Variants in SUSD6 observed in about 807,000 individuals in gnomAD.
The protein encoded by SUSD6 is sushi domain containing 6, also known as sushi domain-containing protein 6.
Under a neutral mutation model 28.4 loss-of-function variants are expected in SUSD6, and 16 were observed. That is an observed-to-expected ratio of 0.56 (90% CI 0.38 to 0.86). The LOEUF (loss-of-function observed/expected upper bound fraction) is 0.86, where lower values mean the gene tolerates loss of function less well. Ranked by LOEUF, SUSD6 falls within the 40% of genes least tolerant of loss-of-function variation. SUSD6 has a pLI of 0.00. For missense variants in SUSD6, 341 were observed against 384.2 expected, an observed-to-expected ratio of 0.89 and a Z score of 0.94; for synonymous variants, 147 against 159.6, an observed-to-expected ratio of 0.92 and a Z score of 0.59.
intron 2 of SUSD6, among the ~76,000 whole-genome samples, chr14:69,671,342 A>G (rs1011582666): frequency 1.3e-5 from 2 of 152,150 alleles, no homozygotes; most frequent in African/African-American, 2.4e-5. Flanking sequence ...GTGGGCACCT[A>G]TTTGCCTATG....
chr14:69,636,227 A>G (rs1379860553), intron 1 of SUSD6, among the ~76,000 whole-genome samples: 1 of 152,214 alleles, frequency 6.6e-6, no homozygotes, highest in East Asian at 1.9e-4. Flanking sequence ...CAGGCTATAG[A>G]ACCACAATAG....
At chr14:69,635,502 ACT>A (rs1595035617) in intron 1 of SUSD6, among the ~76,000 whole-genome samples, 1 of 152,136 alleles carries the variant, frequency 6.6e-6, no homozygotes, top group East Asian at 1.9e-4. Flanking sequence ...AACTGTACTT[ACT>A]TGCCTTTCAG....
intron 1 of SUSD6, among the ~76,000 whole-genome samples, chr14:69,620,475 G>T (rs1466250445): frequency 2.0e-5 from 3 of 152,164 alleles, no homozygotes; most frequent in Non-Finnish European, 4.4e-5. Flanking sequence ...AGAACAAAAT[G>T]GTCATAATAC....
intron 1 of SUSD6, among the ~76,000 whole-genome samples, chr14:69,639,741 A>C (rs938933171): frequency 6.6e-6 from 1 of 152,124 alleles, no homozygotes; most frequent in East Asian, 1.9e-4. Context: ...TCTTTGTTGT[A>C]TGGGGTTGTC....
intron 1 of SUSD6, among the ~76,000 whole-genome samples, chr14:69,639,959 T>TTG (rs1298275020): frequency 3.6e-5 from 5 of 140,060 alleles, no homozygotes; most frequent in South Asian, 2.4e-4. Context: ...CTACACTGTT[T>TTG]TTTTTTTTTT....
At chr14:69,615,995 C>T (rs925224088) in intron 1 of SUSD6, among the ~76,000 whole-genome samples, 1 of 152,066 alleles carries the variant, frequency 6.6e-6, no homozygotes, top group African/African-American at 2.4e-5. Flanking sequence ...ATGTACTCCC[C>T]GCTCCTACAC....
At chr14:69,641,861 T>C (rs1024744880) in intron 1 of SUSD6, among the ~76,000 whole-genome samples, 1 of 152,130 alleles carries the variant, frequency 6.6e-6, no homozygotes, top group Non-Finnish European at 1.5e-5. Context: ...TGCCTTGGCC[T>C]CCCAAAGTGC....
chr14:69,635,287 G>C (rs1476327991), intron 1 of SUSD6, among the ~76,000 whole-genome samples: 4 of 152,216 alleles, frequency 2.6e-5, no homozygotes, highest in African/African-American at 9.6e-5. Flanking sequence ...ATGAAGTTGT[G>C]TGTTTTCTTT....
intron 2 of SUSD6, among the ~76,000 whole-genome samples, chr14:69,691,657 C>T (rs1886154548): frequency 6.6e-6 from 1 of 152,174 alleles, no homozygotes; most frequent in Admixed American, 6.5e-5. Context: ...GTGTTCTGGG[C>T]AGTGGCAGAA....
At chr14:69,694,353 C>T (rs1226805035) in intron 2 of SUSD6, among the ~76,000 whole-genome samples, 1 of 152,204 alleles carries the variant, frequency 6.6e-6, no homozygotes, top group Non-Finnish European at 1.5e-5. Flanking sequence ...TTTGAATCCC[C>T]ATGTTAAAAA....
chr14:69,620,215 GCTTGTTACA>G (rs1885017606), intron 1 of SUSD6, among the ~76,000 whole-genome samples: 1 of 152,168 alleles, frequency 6.6e-6, no homozygotes, highest in Non-Finnish European at 1.5e-5. Flanking sequence ...TGGGAATTTT[GCTTGTTACA>G]CAGCAGAATA....
chr14:69,655,480 C>G (rs193237409), intron 1 of SUSD6, among the ~76,000 whole-genome samples: 1 of 152,212 alleles, frequency 6.6e-6, no homozygotes, highest in East Asian at 1.9e-4. Context: ...TAACAAGTTG[C>G]TCTCCGAAGG....
At chr14:69,624,242 G>T (rs956826482) in intron 1 of SUSD6, among the ~76,000 whole-genome samples, 1 of 152,194 alleles carries the variant, frequency 6.6e-6, no homozygotes, top group African/African-American at 2.4e-5. Context: ...CAGGTTTGTA[G>T]CCTAGGCTAT....
At chr14:69,660,365 T>G (rs571262557) in intron 2 of SUSD6, among the ~76,000 whole-genome samples, 1 of 152,372 alleles carries the variant, frequency 6.6e-6, no homozygotes, top group South Asian at 2.1e-4. Flanking sequence ...CACCCTATTC[T>G]GACACTTAAC....
At chr14:69,683,073 GGA>G (rs1886021902) in intron 2 of SUSD6, among the ~76,000 whole-genome samples, 1 of 150,882 alleles carries the variant, frequency 6.6e-6, no homozygotes, top group South Asian at 2.1e-4. Context: ...GAAGAGCTCT[GGA>G]GCCTGAAGGG....
At chr14:69,628,224 C>T (rs1246472200) in intron 1 of SUSD6, among the ~76,000 whole-genome samples, 1 of 152,098 alleles carries the variant, frequency 6.6e-6, no homozygotes, top group Non-Finnish European at 1.5e-5. Flanking sequence ...TGAGCCACTG[C>T]TCTCGGCCCC....
intron 2 of SUSD6, among the ~76,000 whole-genome samples, chr14:69,697,390 C>T (rs1886241776): frequency 6.6e-6 from 1 of 152,150 alleles, no homozygotes; most frequent in Admixed American, 6.5e-5. Flanking sequence ...ATCTCAGCCT[C>T]ATTTTACTCA....
At chr14:69,658,281 C>T (rs1372110510) in intron 1 of SUSD6, among the ~76,000 whole-genome samples, 1 of 152,166 alleles carries the variant, frequency 6.6e-6, no homozygotes, top group African/African-American at 2.4e-5. Context: ...GCCTGACTGC[C>T]ATCCAGGTGA....
intron 1 of SUSD6, among the ~76,000 whole-genome samples, chr14:69,630,543 A>C (rs1449307876): frequency 6.6e-6 from 1 of 152,224 alleles, no homozygotes; most frequent in Non-Finnish European, 1.5e-5. Context: ...TCACATATGT[A>C]GATGGACATG....
Sources: gnomAD v4.1 joint callset for allele counts (sites outside exome capture counted in the v4.1 genomes callset) on GRCh38, gnomAD v4.1.1 for gene constraint, MANE v1.5 for transcripts, NCBI Gene and HGNC (gene_info 2026-07-23, HGNC 2026-07-21) for gene names.